COL17A1: variants seen among roughly 807,000 people sequenced by gnomAD.
The protein encoded by COL17A1 is collagen alpha-1(XVII) chain.
In COL17A1, 181 loss-of-function variants were observed where a neutral mutation model predicts 218.4. The ratio of observed to expected loss-of-function variants is 0.83; its 90% CI spans 0.73 to 0.94. The LOEUF (loss-of-function observed/expected upper bound fraction) is 0.94, where lower values mean the gene tolerates loss of function less well. Among genes scored for constraint, COL17A1 ranks in the 40% least tolerant of loss-of-function variants. The pLI is 0.00. For missense variants in COL17A1, 1,924 were observed against 1,945.9 expected (o/e 0.99, Z 0.21); for synonymous variants, 721 against 731.0 (o/e 0.99, Z 0.22).
intron 2 of COL17A1, 118 bp from the exon 3 acceptor site, chr10:104,078,704 T>G: frequency 7.1e-7 from 1 of 1,398,948 alleles, no homozygotes; most frequent in African/African-American, 1.4e-5. Flanking sequence ...ACATTGATTT[T>G]TCTATCCTTG....
chr10:104,045,830 GC>G, intron 32 of COL17A1, 37 bp from the exon 33 acceptor site: 1 of 1,581,608 alleles, frequency 6.3e-7, no homozygotes, highest in Non-Finnish European at 8.7e-7. Flanking sequence ...GACGATGAAG[GC>G]CCAGCAATTC....
rs749100526 is a variant in COL17A1, at chr10:104,056,009, A to G, written c.1466-6T>C. 1.2e-6 allele frequency: 2 copies of G among 1,614,142 alleles called. No homozygotes were observed. Among genetic ancestry groups the G allele is most frequent in the Non-Finnish European group, 1.7e-6 (2 of 1,180,008 alleles). On this transcript the variant is annotated splice_region_variant and splice_polypyrimidine_tract_variant and intron_variant, in intron 17 of 55. Transcript: ENST00000648076. Reference sequence around the variant, plus strand: ...CAGCTTCCTCACCTCCTCCGCTGCAACAAACAGACACACACTGCGTCACTG... The same window carrying G: ...CAGCTTCCTCACCTCCTCCGCTGCAGCAAACAGACACACACTGCGTCACTG...
intron 25 of COL17A1, among the ~76,000 whole-genome samples, chr10:104,051,131 C>A (rs949792097): frequency 6.6e-6 from 1 of 152,188 alleles, no homozygotes; most frequent in African/African-American, 2.4e-5. Context: ...CGAGTCTTGG[C>A]AGAGGCACTG....
chr10:104,053,854 A>C (rs1473808622), intron 22 of COL17A1, 66 bp downstream of exon 22: 1 of 949,480 alleles, frequency 1.1e-6, no homozygotes. Flanking sequence ...GCAGGCACTT[A>C]ATGAATGTTT....
chr10:104,040,570 G>GTGGATGGATGGATGGA (rs56889497), intron 39 of COL17A1, among the ~76,000 whole-genome samples, 160 bp from the exon 40 acceptor site: 1 of 150,016 alleles, frequency 6.7e-6, no homozygotes, highest in South Asian at 2.1e-4. Flanking sequence ...GGGCGGGTGG[G>GTGGATGGATGGATGGA]TGGATGGATG....
intron 29 of COL17A1, 174 bp from the exon 30 acceptor site, chr10:104,048,278 T>A: frequency 1.3e-6 from 1 of 774,844 alleles, no homozygotes; most frequent in Non-Finnish European, 2.4e-6. Context: ...CACTGCCCCT[T>A]CTCCTAAACC....
rs1278136738 is a variant in COL17A1 at position 104,040,001 on chromosome 10, T to C, written c.2762-2A>G. The C allele has an allele frequency of 6.2e-7, 1 of 1,613,604 alleles. No homozygotes were observed. The highest frequency in any genetic ancestry group is 8.5e-7 in the Non-Finnish European group (1 of 1,179,894). ...GGTGTCCTCTGGGGCCTGGGGGACC[T>C]GAGGGAAAAAGGCAGAGAGCTATGA... On this transcript the variant is annotated splice_acceptor_variant, in intron 40 of 55. Coordinates refer to ENST00000648076, the MANE Select transcript of COL17A1 (RefSeq NM_000494.4). LOFTEE classifies it high-confidence loss of function.
chr10:104,034,762 C>T lies in COL17A1; in HGVS notation c.3625G>A (p.Gly1209Ser), dbSNP rs768835063. ...GGAGGGCCTGGGATGAATGACAAGC[C>T]GGCAGCTGGGCAGAAGGAAGAGAAA... ...EDLSSYLHTAGLSFIPGPPGP... is the reference protein window; with the variant it reads ...EDLSSYLHTASLSFIPGPPGP... Residue 1209 changes from glycine (G) to serine (S), a missense_variant, in exon 51 of 56, where the codon GGC becomes AGC. Gly to Ser is a moderately conservative substitution (Grantham distance 56). Transcript: ENST00000648076. The T allele has an allele frequency of 2.2e-5, 35 of 1,612,298 alleles. No homozygotes were observed. Among genetic ancestry groups the T allele is most frequent in the East Asian group, 1.3e-4 (6 of 44,818 alleles).
At chr10:104,060,321 CAGG>C in intron 13 of COL17A1, 41 bp from the exon 14 acceptor site, 1 of 1,611,490 alleles carries the variant, frequency 6.2e-7, no homozygotes, top group Non-Finnish European at 8.5e-7. Flanking sequence ...GGACATGTGC[CAGG>C]AGAAGGGAGA....
intron 33 of COL17A1, 36 bp downstream of exon 33, chr10:104,045,722 T>G: frequency 6.3e-7 from 1 of 1,580,562 alleles, no homozygotes. Context: ...AAATGGCCAG[T>G]GAAAAGAAAG....
In COL17A1 at chr10:104,057,655, C is replaced by T. The variant is rs560329883; in HGVS notation, c.1268-483G>A. On this transcript the variant is annotated intron_variant, in intron 16 of 55. Transcript: ENST00000648076. ...AATCCTTACAGTGCCTAGAATTATA[C>T]TCAGCTCTTCAGGGGTGCCTAGTGA... Among the ~76,000 whole-genome samples, 14 of 151,734 alleles carry T rather than the reference C, an allele frequency of 9.2e-5. No individual in the cohort carries two copies. In the South Asian group the frequency reaches 2.9e-3, roughly 32 times the overall value.
In COL17A1 at chr10:104,039,210, C is replaced by T; in HGVS notation, c.2897-89G>A. The T allele has an allele frequency of 3.0e-6, 4 of 1,347,462 alleles. No homozygotes were observed. In the South Asian group the frequency reaches 4.7e-5, roughly 16 times the overall value. 83.5% of individuals were successfully genotyped at this position (1,347,462 alleles called of 1,614,324 possible). A position where few individuals can be genotyped will look rare whatever the true frequency, so the allele number is the denominator to read the frequency against. On this transcript the variant is annotated intron_variant, in intron 43 of 55. Coordinates refer to ENST00000648076, the MANE Select transcript of COL17A1 (RefSeq NM_000494.4). Reference sequence around the variant, plus strand: ...CCACACTTATTAGTGTGTGTCTCAACAATCGTCCCATGTCTCTTGGCCTCC... The same window carrying T: ...CCACACTTATTAGTGTGTGTCTCAATAATCGTCCCATGTCTCTTGGCCTCC...
At position 104,078,634 on chromosome 10, in the gene COL17A1, C is replaced by T. The variant is rs748927678; in HGVS notation, c.53-48G>A. On this transcript the variant is annotated intron_variant, in intron 2 of 55. Coordinates refer to ENST00000648076, the MANE Select transcript of COL17A1 (RefSeq NM_000494.4). ...TGAGTTCTTATGTAATGCACTGACA[C>T]CTCTGGATCTTGGCAAGGTCTAAGC... The T allele has an allele frequency of 8.1e-6, 13 of 1,612,410 alleles. No individual in the cohort carries two copies. In the South Asian group the frequency reaches 1.2e-4, roughly 15 times the overall value.
At chr10:104,064,791 G>C (rs1270091961) in intron 9 of COL17A1, among the ~76,000 whole-genome samples, 195 bp from the exon 10 acceptor site, 2 of 152,142 alleles carry the variant, frequency 1.3e-5, no homozygotes, top group Non-Finnish European at 2.9e-5. Flanking sequence ...TTATCTCTTG[G>C]ATTAGAAATT....
In COL17A1 at chr10:104,041,362, G is replaced by C. The variant is rs774831922; in HGVS notation, c.2606-18C>G. 4 of 1,610,218 alleles carry C rather than the reference G, an allele frequency of 2.5e-6. No individual in the cohort carries two copies. The highest frequency in any genetic ancestry group is 3.4e-6 in the Non-Finnish European group (4 of 1,178,432). On this transcript the variant is annotated intron_variant, in intron 37 of 55. Coordinates refer to ENST00000648076, the MANE Select transcript of COL17A1 (RefSeq NM_000494.4). ...GGAAGGCCCTGCAGAAGAGAGCAAG[G>C]AAGAGGCCATGCTGAGCTCAGGGAG...
intron 45 of COL17A1, 94 bp downstream of exon 45, chr10:104,038,312 T>C: frequency 6.5e-7 from 1 of 1,544,338 alleles, no homozygotes; most frequent in Non-Finnish European, 8.9e-7. Context: ...CCATGTCTCT[T>C]AGCCTCATTT....
chr10:104,075,987 A>G (rs981644931), intron 5 of COL17A1, among the ~76,000 whole-genome samples: 9 of 152,266 alleles, frequency 5.9e-5, no homozygotes, highest in African/African-American at 1.9e-4. Context: ...ATTAGACTAC[A>G]GGTCCTGAAG....
chr10:104,035,859 A>AGTGTGTGTGTGGGAGTGTATGGGAGTGT (rs1554846955), intron 48 of COL17A1, among the ~76,000 whole-genome samples: 35 of 121,588 alleles, frequency 2.9e-4, no homozygotes, highest in Non-Finnish European at 4.8e-4. Flanking sequence ...TGCGTATGGG[A>AGTGTGTGTGTGGGAGTGTATGGGAGTGT]GTGTATGGGA....
chr10:104,071,215 A>G (rs912975205), intron 8 of COL17A1, among the ~76,000 whole-genome samples: 2 of 152,140 alleles, frequency 1.3e-5, no homozygotes, highest in Non-Finnish European at 2.9e-5. Flanking sequence ...GAGAGGAGAC[A>G]CAGGTTTGCA....
Sources: allele counts gnomAD v4.1 joint callset (sites outside exome capture counted in the v4.1 genomes callset), GRCh38; gene constraint gnomAD v4.1.1; transcripts MANE v1.5; gene names NCBI Gene and HGNC (gene_info 2026-07-23, HGNC 2026-07-21).